Variants in ANKS1B observed in about 807,000 individuals in gnomAD.
The protein encoded by ANKS1B is ankyrin repeat and sterile alpha motif domain-containing protein 1B.
Under a neutral mutation model 148.3 loss-of-function variants are expected in ANKS1B, and 36 were observed. The observed-to-expected ratio is 0.24, with a 90% CI of 0.19 to 0.32. The LOEUF (loss-of-function observed/expected upper bound fraction) is 0.32. Among genes scored for constraint, ANKS1B ranks in the 10% least tolerant of loss-of-function variants. The pLI is 1.00. For synonymous variants in ANKS1B, 542 were observed against 560.8 expected, an observed-to-expected ratio of 0.97 and a Z score of 0.47; for missense variants, 1,157 against 1,542.6, an observed-to-expected ratio of 0.75 and a Z score of 4.19.
chr12:98,978,072 A>T (rs2099900615), intron 17 of ANKS1B, among the ~76,000 whole-genome samples: 2 of 152,116 alleles, frequency 1.3e-5, no homozygotes, highest in Non-Finnish European at 2.9e-5. Context: ...CATTTAAAGT[A>T]GATTTTTTTT....
At chr12:99,303,524 G>C (rs1300219761) in intron 12 of ANKS1B, among the ~76,000 whole-genome samples, 1 of 151,600 alleles carries the variant, frequency 6.6e-6, no homozygotes, top group Non-Finnish European at 1.5e-5. Flanking sequence ...ATCCTAGAGA[G>C]GTAGACAAAT....
intron 1 of ANKS1B, among the ~76,000 whole-genome samples, chr12:99,920,689 T>C (rs1227094866): frequency 6.6e-6 from 1 of 152,098 alleles, no homozygotes; most frequent in Non-Finnish European, 1.5e-5. Flanking sequence ...CTAGGGAGGC[T>C]GCTGGTGTAA....
At chr12:99,828,031 A>G (rs2083428731) in intron 1 of ANKS1B, among the ~76,000 whole-genome samples, 1 of 152,224 alleles carries the variant, frequency 6.6e-6, no homozygotes, top group African/African-American at 2.4e-5. Context: ...CCTAAAACAG[A>G]GACAACCCAA....
intron 9 of ANKS1B, among the ~76,000 whole-genome samples, chr12:99,515,150 G>A (rs571968325): frequency 1.9e-4 from 28 of 151,276 alleles, no homozygotes; most frequent in Admixed American, 1.3e-3. Flanking sequence ...ATCCCTTCAA[G>A]CATTTATCCT....
intron 17 of ANKS1B, among the ~76,000 whole-genome samples, chr12:98,952,699 C>T (rs2099855926): frequency 6.6e-6 from 1 of 152,144 alleles, no homozygotes; most frequent in African/African-American, 2.4e-5. Flanking sequence ...TTGTGGTTTA[C>T]CAGAAGTTTC....
chr12:99,837,360 T>G (rs1253728113), intron 1 of ANKS1B, among the ~76,000 whole-genome samples: 1 of 152,172 alleles, frequency 6.6e-6, no homozygotes, highest in Non-Finnish European at 1.5e-5. Flanking sequence ...TTGTGGTAAC[T>G]TGCTACAGCA....
intron 15 of ANKS1B, among the ~76,000 whole-genome samples, chr12:99,122,679 C>T (rs2063184655): frequency 6.6e-6 from 1 of 152,164 alleles, no homozygotes; most frequent in African/African-American, 2.4e-5. Context: ...TTGCTGGCAG[C>T]CAACTTGCCT....
At chr12:99,582,713 T>A (rs1018366494) in intron 9 of ANKS1B, among the ~76,000 whole-genome samples, 1 of 152,054 alleles carries the variant, frequency 6.6e-6, no homozygotes, top group African/African-American at 2.4e-5. Flanking sequence ...CAAAGGTAAA[T>A]AAGGGAATGT....
At chr12:98,995,077 C>A (rs1314159678) in intron 17 of ANKS1B, among the ~76,000 whole-genome samples, 4 of 152,092 alleles carry the variant, frequency 2.6e-5, no homozygotes, top group Non-Finnish European at 5.9e-5. Flanking sequence ...TATGTCTCAG[C>A]ACATGTGGTT....
intron 17 of ANKS1B, chr12:98,894,752 G>A: frequency 2.0e-6 from 2 of 985,578 alleles, no homozygotes; most frequent in Admixed American, 6.1e-5. Flanking sequence ...GCATCTTTCT[G>A]GGCGCCCCCA....
At chr12:99,655,867 T>C (rs116985965) in intron 8 of ANKS1B, among the ~76,000 whole-genome samples, 361 of 152,248 alleles carry the variant, frequency 2.4e-3, no homozygotes, top group Non-Finnish European at 3.4e-3. Context: ...AACTTTTGGA[T>C]AACAGATGGG....
intron 17 of ANKS1B, among the ~76,000 whole-genome samples, chr12:98,929,473 A>C (rs1292062864): frequency 6.6e-6 from 1 of 152,042 alleles, no homozygotes; most frequent in East Asian, 1.9e-4. Context: ...TAGCCACAAA[A>C]ATCTTGAGTA....
intron 12 of ANKS1B, among the ~76,000 whole-genome samples, chr12:99,396,781 C>T (rs2094258183): frequency 6.6e-6 from 1 of 152,072 alleles, no homozygotes; most frequent in African/African-American, 2.4e-5. Context: ...ATATTCCTAT[C>T]CAACTGAGAC....
intron 12 of ANKS1B, among the ~76,000 whole-genome samples, chr12:99,342,513 G>A (rs1218789641): frequency 6.6e-6 from 1 of 152,050 alleles, no homozygotes; most frequent in Non-Finnish European, 1.5e-5. Context: ...GAATAAAGGT[G>A]TGCAATCTCT....
At chr12:99,022,572 G>A (rs150514982) in intron 17 of ANKS1B, among the ~76,000 whole-genome samples, 33 of 151,930 alleles carry the variant, frequency 2.2e-4, no homozygotes, top group Non-Finnish European at 3.5e-4. Flanking sequence ...TCACTTCCCC[G>A]CCGTGTCACC....
chr12:99,422,618 T>C (rs1242770847), intron 11 of ANKS1B, among the ~76,000 whole-genome samples: 2 of 152,048 alleles, frequency 1.3e-5, no homozygotes, highest in African/African-American at 4.8e-5. Context: ...CAGGAAAAGA[T>C]ACAGACAGCA....
chr12:98,836,481 T>C (rs1433447607), intron 17 of ANKS1B, among the ~76,000 whole-genome samples: 7 of 152,110 alleles, frequency 4.6e-5, no homozygotes, highest in South Asian at 2.1e-4. Context: ...AGAAATCCAA[T>C]TGGCAAAACA....
At chr12:98,891,701 A>G (rs138261626) in intron 17 of ANKS1B, among the ~76,000 whole-genome samples, 8 of 152,350 alleles carry the variant, frequency 5.3e-5, no homozygotes, top group African/African-American at 1.9e-4. Context: ...AACATTACAT[A>G]TAATAGCCAA....
intron 8 of ANKS1B, among the ~76,000 whole-genome samples, chr12:99,743,688 C>T (rs1187884192): frequency 6.6e-6 from 1 of 152,030 alleles, no homozygotes; most frequent in African/African-American, 2.4e-5. Context: ...TATTTGTCAC[C>T]AACCATAAAA....
Sources: gnomAD v4.1 joint callset for allele counts (sites outside exome capture counted in the v4.1 genomes callset) on GRCh38, gnomAD v4.1.1 for gene constraint, MANE v1.5 for transcripts, NCBI Gene and HGNC (gene_info 2026-07-23, HGNC 2026-07-21) for gene names.